The following CATSPERE variants were observed in gnomAD, a reference collection of about 807,000 sequenced individuals.
CATSPERE encodes cation channel sperm-associated auxiliary subunit epsilon.
A neutral mutation model predicts 114.1 loss-of-function variants in CATSPERE; 93 were observed. That is an observed-to-expected ratio of 0.81 (90% CI 0.69 to 0.97). CATSPERE has a LOEUF of 0.97. Ranked by LOEUF, CATSPERE falls within the 50% of genes least tolerant of loss-of-function variation. The pLI is 0.00. For synonymous variants in CATSPERE, 341 were observed against 384.1 expected, an observed-to-expected ratio of 0.89 and a Z score of 1.31; for missense variants, 1,058 against 1,131.6, an observed-to-expected ratio of 0.93 and a Z score of 0.93.
chr1:244,477,932 C>T lies in CATSPERE; in HGVS notation c.215C>T (p.Ser72Phe), dbSNP rs778844324. 30 of 1,609,748 alleles carry T rather than the reference C, an allele frequency of 1.9e-5. No individual in the cohort carries two copies. In the Middle Eastern group the frequency reaches 4.9e-4, roughly 26 times the overall value. Reference sequence around the variant, plus strand: ...TCACCCACGACAGAATTGCGTTGTTCCTCACCTGGTGTTCACGCTATAAAA... The same window carrying T: ...TCACCCACGACAGAATTGCGTTGTTTCTCACCTGGTGTTCACGCTATAAAA... ...KSSPTTELRC[S>F]SPGVHAIKPI... The change falls in exon 4 of 22, where the codon TCC (serine) becomes TTC (phenylalanine). Residue 72 changes from serine to phenylalanine, a missense_variant. Physicochemically the swap from Ser to Phe is radical, Grantham distance 155 (BLOSUM62 -2). Around this residue, in one of 2 missense-constraint regions of CATSPERE, gnomAD observed 271 missense variants for 225.9 expected, o/e 1.20. Transcript: ENST00000366534.
At chr1:244,489,804 T>G (rs1294405053) in intron 5 of CATSPERE, among the ~76,000 whole-genome samples, 1 of 152,014 alleles carries the variant, frequency 6.6e-6, no homozygotes, top group Non-Finnish European at 1.5e-5. Context: ...AAGATTAGCC[T>G]TTGGAATTCT....
chr1:244,591,706 C>T lies in CATSPERE; in HGVS notation c.2164C>T (p.His722Tyr). Residue 722 changes from histidine (H) to tyrosine (Y), a missense_variant, in exon 15 of 22, where the codon CAT becomes TAT. By Grantham distance (83) the His-to-Tyr change is moderately conservative (BLOSUM62 2). This residue lies in a region of CATSPERE where 787 missense variants were observed against 905.6 expected (regional missense o/e 0.87). Coordinates refer to ENST00000366534, the MANE Select transcript of CATSPERE (RefSeq NM_001130957.2). ...ATTTAGTAAAAAAGGATGTCATCAC[C>T]ATGATTTTTCATACGTGATTGAAAA... is the stretch of plus-strand genomic sequence containing the variant. ...KGFSKKGCHHHDFSYVIEKSY... is the reference protein window; with the variant it reads ...KGFSKKGCHHYDFSYVIEKSY... 6.6e-7 allele frequency: 1 copy of T among 1,515,034 alleles called. No individual in the cohort carries two copies. The highest frequency in any genetic ancestry group is 1.2e-5 in the South Asian group (1 of 85,404). 93.8% of individuals were successfully genotyped at this position (1,515,034 alleles called of 1,614,324 possible). A position where few individuals can be genotyped will look rare whatever the true frequency, so the allele number is the denominator to read the frequency against.
chr1:244,459,226 GC>G (rs1666433444), upstream of CATSPERE, among the ~76,000 whole-genome samples: 2 of 152,004 alleles, frequency 1.3e-5, no homozygotes, highest in South Asian at 4.1e-4. Context: ...TTACAGGCAT[GC>G]ATCACCATGC....
chr1:244,575,239 C>T lies in CATSPERE; in HGVS notation c.1950+2467C>T, dbSNP rs888233582. Among the ~76,000 whole-genome samples the T allele has an allele frequency of 1.1e-4, 17 of 152,350 alleles. No individual in the cohort carries two copies. Among genetic ancestry groups the T allele is most frequent in the Admixed American group, 6.5e-4 (10 of 15,304 alleles). ...ATCCTTGTGGCCACAGCCCAGGCCC[C>T]GGGCTGTTGCTGGCCCAGAGGCTTG... On this transcript the variant is annotated intron_variant, in intron 11 of 21. Coordinates refer to ENST00000366534, the MANE Select transcript of CATSPERE (RefSeq NM_001130957.2). The surrounding 1 kb of genome is among the most constrained non-coding windows in gnomAD (Gnocchi z 4.5).
intron 20 of CATSPERE, among the ~76,000 whole-genome samples, chr1:244,635,244 C>T (rs1674486130): frequency 6.6e-6 from 1 of 152,126 alleles, no homozygotes; most frequent in Non-Finnish European, 1.5e-5. Context: ...CCTTGGGAAC[C>T]ACTATCAAAA....
intron 8 of CATSPERE, among the ~76,000 whole-genome samples, chr1:244,532,422 A>G (rs1679759697): frequency 6.6e-6 from 1 of 151,800 alleles, no homozygotes; most frequent in Non-Finnish European, 1.5e-5. Flanking sequence ...ATGTTTTTCT[A>G]CTATTTTTGT....
intron 10 of CATSPERE, among the ~76,000 whole-genome samples, chr1:244,566,396 G>C (rs536416653): frequency 2.0e-5 from 3 of 151,966 alleles, no homozygotes; most frequent in African/African-American, 2.4e-5. Context: ...TTTCTCTCTC[G>C]TCGATCTGTC....
intron 2 of CATSPERE, among the ~76,000 whole-genome samples, chr1:244,468,858 C>T (rs1456476063): frequency 6.6e-6 from 1 of 152,098 alleles, no homozygotes; most frequent in African/African-American, 2.4e-5. Context: ...GGAGAGGCTG[C>T]AGTGAGCTAT....
intron 7 of CATSPERE, among the ~76,000 whole-genome samples, chr1:244,506,823 C>T (rs1378759694): frequency 6.6e-6 from 1 of 151,982 alleles, no homozygotes; most frequent in African/African-American, 2.4e-5. Flanking sequence ...AATGATTAAG[C>T]TTCACCCTAC....
At chr1:244,538,889 T>C (rs1422427279) in intron 8 of CATSPERE, among the ~76,000 whole-genome samples, 1 of 152,082 alleles carries the variant, frequency 6.6e-6, no homozygotes, top group Non-Finnish European at 1.5e-5. Context: ...GCACGTGATA[T>C]TAGTAATGCC....
intron 9 of CATSPERE, among the ~76,000 whole-genome samples, chr1:244,555,932 C>T (rs1661507516): frequency 6.6e-6 from 1 of 152,158 alleles, no homozygotes; most frequent in South Asian, 2.1e-4. Flanking sequence ...TAGTTCACAC[C>T]TGTAATCTCA....
chr1:244,525,372 A>C (rs537722984), intron 8 of CATSPERE, among the ~76,000 whole-genome samples: 1 of 151,378 alleles, frequency 6.6e-6, no homozygotes, highest in East Asian at 2.0e-4. Context: ...ATAGCTCTGG[A>C]AGATATACCT....
chr1:244,520,494 A>G (rs1677352270), intron 8 of CATSPERE, among the ~76,000 whole-genome samples: 1 of 152,142 alleles, frequency 6.6e-6, no homozygotes, highest in South Asian at 2.1e-4. Flanking sequence ...CCATTGCCCT[A>G]CATATTCATC....
Position 244,560,865 on chromosome 1 carries a change from T to C in CATSPERE, c.1227T>C (p.Tyr409=), listed in dbSNP as rs1217960176. Residue 409 remains tyrosine, a synonymous_variant, in exon 10 of 22, where the codon TAT becomes TAC. Coordinates refer to ENST00000366534, the MANE Select transcript of CATSPERE (RefSeq NM_001130957.2). ...TGGAGATTGCTGTGTTTTTAAATTA[T>C]TGCACTGTATGTAACGTCACCAAAA... The part of the protein sequence containing the change: ...HPLEIAVFLN[Y]CTVCNVTKKI... 1 of 1,614,012 alleles carries C rather than the reference T, an allele frequency of 6.2e-7. No homozygotes were observed.
In CATSPERE at chr1:244,490,340, T is replaced by G. The variant is rs985173915; in HGVS notation, c.327-107T>G. The G allele has an allele frequency of 8.7e-6, 6 of 689,976 alleles. No individual in the cohort carries two copies. The South Asian group carries it at 1.3e-4, about 15-fold the overall frequency. 42.7% of individuals were successfully genotyped at this position (689,976 alleles called of 1,614,324 possible). A position where few individuals can be genotyped will look rare whatever the true frequency, so the allele number is the denominator to read the frequency against. ...TAATTTTATATACCGTAATGAAATA[T>G]AAAGAGAATATGCAAAGGTTTAGAA... On this transcript the variant is annotated intron_variant, in intron 5 of 21. Coordinates refer to ENST00000366534, the MANE Select transcript of CATSPERE (RefSeq NM_001130957.2).
chr1:244,620,421 G>C (rs562518731), intron 20 of CATSPERE, among the ~76,000 whole-genome samples: 9 of 152,250 alleles, frequency 5.9e-5, no homozygotes, highest in Middle Eastern at 3.4e-3. Context: ...ATTCACTTCA[G>C]AATAGAAGCA....
intron 20 of CATSPERE, among the ~76,000 whole-genome samples, chr1:244,624,759 A>G (rs189962818): frequency 0.01 from 1,579 of 151,948 alleles, 24 homozygotes; most frequent in Non-Finnish European, 0.012. Context: ...CCGAGATCGC[A>G]CCACTGCACT....
At chr1:244,594,624 C>G (rs1175907861) in intron 17 of CATSPERE, among the ~76,000 whole-genome samples, 1 of 152,166 alleles carries the variant, frequency 6.6e-6, no homozygotes, top group African/African-American at 2.4e-5. Flanking sequence ...AAGTAAAATT[C>G]CTATGTCTAA....
intron 8 of CATSPERE, among the ~76,000 whole-genome samples, chr1:244,538,761 C>A (rs1020711199): frequency 6.6e-6 from 1 of 152,124 alleles, no homozygotes; most frequent in African/African-American, 2.4e-5. Context: ...ATTCTGGGAC[C>A]CTTCACAGGA....
Sources: allele counts gnomAD v4.1 joint callset (sites outside exome capture counted in the v4.1 genomes callset), GRCh38; gene constraint gnomAD v4.1.1; regional missense constraint gnomAD v4.1.1; non-coding constraint Gnocchi (gnomAD v3.1); transcripts MANE v1.5; gene names NCBI Gene and HGNC (gene_info 2026-07-23, HGNC 2026-07-21).